Variants in KCNIP4 observed in about 807,000 individuals in gnomAD.
KCNIP4 encodes the protein Kv channel-interacting protein 4.
Under a neutral mutation model 34.0 loss-of-function variants are expected in KCNIP4, and 12 were observed. The observed-to-expected ratio is 0.35, with a 90% CI of 0.23 to 0.57. The LOEUF (loss-of-function observed/expected upper bound fraction) is 0.57, where lower values mean the gene tolerates loss of function less well. KCNIP4 is among the 20% of genes least tolerant of loss of function. The probability of loss-of-function intolerance (pLI) is 0.83; values close to 1 mark genes in which losing one functional copy is unlikely to be tolerated. For synonymous variants in KCNIP4, 124 were observed against 102.2 expected (o/e 1.21, Z -1.29); for missense variants, 238 against 311.7 (o/e 0.76, Z 1.78).
chr4:21,143,368 G>C (rs1752111551), intron 1 of KCNIP4, among the ~76,000 whole-genome samples: 1 of 152,136 alleles, frequency 6.6e-6, no homozygotes, highest in Non-Finnish European at 1.5e-5. Context: ...TAGGAGTGGA[G>C]AGTGACCATT....
At chr4:21,347,153 A>C (rs1717519448) in intron 1 of KCNIP4, among the ~76,000 whole-genome samples, 1 of 152,204 alleles carries the variant, frequency 6.6e-6, no homozygotes, top group Admixed American at 6.6e-5. Context: ...AAGAGATTTA[A>C]TATAGGGAAC....
chr4:20,917,776 A>G (rs1391147790), intron 1 of KCNIP4, among the ~76,000 whole-genome samples: 1 of 152,106 alleles, frequency 6.6e-6, no homozygotes, highest in East Asian at 1.9e-4. Flanking sequence ...CAATGCCTGT[A>G]TCAGGAGGCA....
intron 5 of KCNIP4, among the ~76,000 whole-genome samples, chr4:20,737,179 A>T (rs1300154240): frequency 2.0e-5 from 3 of 152,212 alleles, no homozygotes; most frequent in Non-Finnish European, 2.9e-5. Flanking sequence ...AGCCACAAGG[A>T]ATTCCAATAT....
intron 1 of KCNIP4, among the ~76,000 whole-genome samples, chr4:21,158,382 C>A (rs80196301): frequency 1.3e-5 from 2 of 152,042 alleles, no homozygotes; most frequent in Non-Finnish European, 2.9e-5. Context: ...TCTCTGATGA[C>A]CATTGGTGCA....
At position 21,272,483 on chromosome 4, in the gene KCNIP4, G is replaced by A. The variant is rs1346052; in HGVS notation, c.62-389774C>T. Among the ~76,000 whole-genome samples, 781 of 152,152 alleles carry A rather than the reference G, an allele frequency of 5.1e-3. 5 individuals are homozygous for A. Among genetic ancestry groups the A allele is most frequent in the African/African-American group, 0.017 (716 of 41,524 alleles). On this transcript the variant is annotated intron_variant, in intron 1 of 8. Coordinates refer to ENST00000382152, the MANE Select transcript of KCNIP4 (RefSeq NM_025221.6). ...AGAGTTATTATTATCCCCATTTTAC[G>A]GATAAGGAAATTGGCAGCAAAACTC...
chr4:20,749,347 A>G (rs2149336806), intron 5 of KCNIP4, among the ~76,000 whole-genome samples: 1 of 152,262 alleles, frequency 6.6e-6, no homozygotes, highest in South Asian at 2.1e-4. Flanking sequence ...TCCAAGGTCT[A>G]CCACAGCAAC....
chr4:21,067,910 T>C (rs1744550703), intron 1 of KCNIP4, among the ~76,000 whole-genome samples: 2 of 152,238 alleles, frequency 1.3e-5, no homozygotes, highest in Admixed American at 1.3e-4. Flanking sequence ...TCATTTCCTA[T>C]AATTTTCATT....
rs1736316813 is a variant in KCNIP4, at chr4:20,983,727, G to A, written c.62-101018C>T. On this transcript the variant is annotated intron_variant, in intron 1 of 8. Transcript: ENST00000382152. ...GCATATTTTAAAACTTTTACTTTGAGTATTAAGGCTTCTTAACTTCTGCAG... is the reference window on the plus strand; with the variant it reads ...GCATATTTTAAAACTTTTACTTTGAATATTAAGGCTTCTTAACTTCTGCAG... 4.5e-5 allele frequency: 49 copies of A among 1,084,176 alleles called. No homozygotes were observed. The South Asian group carries it at 7.0e-4, about 15-fold the overall frequency. The allele number at this position is 1,084,176 out of a possible 1,614,324, so 67.2% of individuals were successfully genotyped here.
chr4:21,369,817 AATTTT>A (rs1208911928), intron 1 of KCNIP4, among the ~76,000 whole-genome samples: 4 of 68,732 alleles, frequency 5.8e-5, no homozygotes, highest in African/African-American at 2.3e-4. Context: ...TAACCCAAAT[AATTTT>A]TTTTTTTTTT....
intron 1 of KCNIP4, chr4:21,843,795 A>C (rs1723838926): frequency 1.3e-5 from 2 of 152,128 alleles, no homozygotes; most frequent in African/African-American, 4.8e-5. Context: ...TAATATGACA[A>C]TATGAGGTCT....
At chr4:21,303,829 C>T (rs142730786) in intron 1 of KCNIP4, 59 of 1,613,826 alleles carry the variant, frequency 3.7e-5, no homozygotes, top group Non-Finnish European at 4.9e-5. Flanking sequence ...CTTCAATCAG[C>T]CCAAACTGTT....
intron 1 of KCNIP4, among the ~76,000 whole-genome samples, chr4:21,529,287 G>T (rs1560491207): frequency 6.6e-6 from 1 of 152,144 alleles, no homozygotes; most frequent in Non-Finnish European, 1.5e-5. Context: ...CTGTGCAACT[G>T]CAGAAGAGGA....
At chr4:21,283,031 C>T (rs1338758919) in intron 1 of KCNIP4, among the ~76,000 whole-genome samples, 3 of 152,192 alleles carry the variant, frequency 2.0e-5, no homozygotes, top group African/African-American at 4.8e-5. Context: ...TGTGCTACTA[C>T]ATCAATGGGT....
chr4:21,108,412 C>T (rs1258835513), intron 1 of KCNIP4, among the ~76,000 whole-genome samples: 2 of 151,670 alleles, frequency 1.3e-5, no homozygotes. Flanking sequence ...CTTCTGCATT[C>T]TTCACGTAGT....
intron 1 of KCNIP4, among the ~76,000 whole-genome samples, chr4:21,092,501 T>C (rs542301703): frequency 7.2e-5 from 11 of 152,318 alleles, no homozygotes; most frequent in South Asian, 4.1e-4. Context: ...ATATATGTTA[T>C]GGTTAAAGAA....
At chr4:20,832,288 T>G (rs551691203) in intron 3 of KCNIP4, among the ~76,000 whole-genome samples, 1 of 152,248 alleles carries the variant, frequency 6.6e-6, no homozygotes, top group South Asian at 2.1e-4. Flanking sequence ...ACTAAATAAC[T>G]AGATAATTGC....
At chr4:21,304,087 CAG>C (rs145509516) in intron 1 of KCNIP4, 3,815 of 125,574 alleles carry the variant, frequency 0.03, 9 homozygotes, top group African/African-American at 0.047. Context: ...GAGAGAGAGA[CAG>C]AGAGAGAGAG....
At chr4:21,632,591 A>G (rs1471063175) in intron 1 of KCNIP4, among the ~76,000 whole-genome samples, 1 of 152,190 alleles carries the variant, frequency 6.6e-6, no homozygotes, top group Non-Finnish European at 1.5e-5. Context: ...AAGTAAATAG[A>G]ATCCTTTCAA....
At chr4:21,121,216 C>G (rs1750129965) in intron 1 of KCNIP4, among the ~76,000 whole-genome samples, 1 of 152,174 alleles carries the variant, frequency 6.6e-6, no homozygotes, top group Non-Finnish European at 1.5e-5. Context: ...TCAGCCGGCC[C>G]TTTGCCCCAC....
Sources: gnomAD v4.1 joint callset for allele counts (sites outside exome capture counted in the v4.1 genomes callset) on GRCh38, gnomAD v4.1.1 for gene constraint, MANE v1.5 for transcripts, NCBI Gene and HGNC (gene_info 2026-07-23, HGNC 2026-07-21) for gene names.